The following COL4A1 variants were observed in gnomAD, a reference collection of about 807,000 sequenced individuals.
COL4A1 encodes the protein collagen alpha-1(IV) chain.
COL4A1 carries 40 observed loss-of-function variants against 216.6 expected under a neutral mutation model. The ratio of observed to expected loss-of-function variants is 0.18; its 90% confidence interval spans 0.14 to 0.24. The LOEUF (loss-of-function observed/expected upper bound fraction) is 0.24, where lower values mean the gene tolerates loss of function less well. Among genes scored for constraint, COL4A1 ranks in the 10% least tolerant of loss-of-function variants. The pLI is 1.00. For missense variants in COL4A1, 1,628 were observed against 2,196.8 expected (o/e 0.74, Z 5.18); for synonymous variants, 839 against 810.7 (o/e 1.03, Z -0.59).
chr13:110,161,338 G>A lies in COL4A1; in HGVS notation c.4494C>T (p.Ser1498=), dbSNP rs750133089. The change falls in exon 49 of 52, where the codon AGC becomes AGT. Residue 1498 remains serine (S), a synonymous_variant. Transcript: ENST00000375820. ...TATTGCAGAACAGGAAGGGCATTGT[G>A]CTGAACTTGCGCAGGCAGCTGCCGG... ...GTAGSCLRKF[S]TMPFLFCNIN... 1.9e-6 allele frequency: 3 copies of A among 1,613,890 alleles called. No homozygotes were observed. The highest frequency in any genetic ancestry group is 2.5e-6 in the Non-Finnish European group (3 of 1,179,878).
intron 45 of COL4A1, 133 bp downstream of exon 45, chr13:110,166,099 C>G (rs1877322040): frequency 2.6e-6 from 2 of 756,686 alleles, no homozygotes; most frequent in Non-Finnish European, 4.9e-6. Flanking sequence ...AAAGAATTCC[C>G]TATCAATTGT....
intron 1 of COL4A1, among the ~76,000 whole-genome samples, chr13:110,297,514 A>C (rs60683901): frequency 3.6e-4 from 55 of 152,294 alleles, no homozygotes; most frequent in African/African-American, 1.3e-3. Context: ...GTTTGGGCAA[A>C]TAAATTTATT....
chr13:110,174,034 C>T (rs766975171), intron 39 of COL4A1, 36 bp from the exon 40 acceptor site: 9 of 1,607,284 alleles, frequency 5.6e-6, no homozygotes, highest in Non-Finnish European at 1.7e-6. Flanking sequence ...ACCCGCATAA[C>T]CTCTCACAGC....
chr13:110,235,244 G>A (rs933346229), intron 2 of COL4A1, among the ~76,000 whole-genome samples: 1 of 152,162 alleles, frequency 6.6e-6, no homozygotes, highest in African/African-American at 2.4e-5. Context: ...TTGCTTTCAT[G>A]TGCTTGAGTA....
At chr13:110,270,346 C>T (rs1277903846) in intron 1 of COL4A1, among the ~76,000 whole-genome samples, 2 of 151,636 alleles carry the variant, frequency 1.3e-5, no homozygotes, top group African/African-American at 2.4e-5. Flanking sequence ...TCTAAATCTA[C>T]ATCTAATTAA....
intron 1 of COL4A1, among the ~76,000 whole-genome samples, chr13:110,296,368 T>C (rs528694370): frequency 2.0e-5 from 3 of 152,236 alleles, no homozygotes; most frequent in Non-Finnish European, 4.4e-5. Flanking sequence ...TCCCAATATT[T>C]TGTAAATTAT....
intron 26 of COL4A1, 144 bp downstream of exon 26, chr13:110,186,241 A>T: frequency 2.9e-6 from 3 of 1,027,442 alleles, no homozygotes; most frequent in Non-Finnish European, 4.5e-6. Context: ...AGGCTTGCCC[A>T]GGTCCTGCCC....
chr13:110,304,854 G>A (rs1038879144), intron 1 of COL4A1, among the ~76,000 whole-genome samples: 1 of 152,100 alleles, frequency 6.6e-6, no homozygotes, highest in African/African-American at 2.4e-5. Flanking sequence ...CAAAGGAGAG[G>A]TAAGCCAACA....
intron 2 of COL4A1, among the ~76,000 whole-genome samples, chr13:110,229,665 G>C (rs892147240): frequency 5.3e-5 from 8 of 152,172 alleles, no homozygotes; most frequent in Non-Finnish European, 1.0e-4. Flanking sequence ...AAAGACCCCA[G>C]AGAGAGCCCC....
chr13:110,156,192 C>T (rs547944740), intron 49 of COL4A1, among the ~76,000 whole-genome samples: 20 of 152,164 alleles, frequency 1.3e-4, no homozygotes, highest in Non-Finnish European at 2.1e-4. Flanking sequence ...GGGTTACAGG[C>T]AACTTTTCTT....
chr13:110,197,247 T>C (rs1307804504), intron 21 of COL4A1, among the ~76,000 whole-genome samples: 2 of 127,022 alleles, frequency 1.6e-5, no homozygotes, highest in Non-Finnish European at 3.2e-5. Context: ...ACTCTCCTGC[T>C]TAAGTTTATC....
chr13:110,240,785 A>G (rs1157873707), intron 2 of COL4A1, among the ~76,000 whole-genome samples: 1 of 152,200 alleles, frequency 6.6e-6, no homozygotes, highest in African/African-American at 2.4e-5. Flanking sequence ...GCTACACCCT[A>G]TCATTCTCCC....
chr13:110,191,840 C>T (rs901840289), intron 24 of COL4A1, among the ~76,000 whole-genome samples: 20 of 152,202 alleles, frequency 1.3e-4, no homozygotes, highest in East Asian at 1.2e-3. Context: ...CACAGAAAGA[C>T]GGCACTTCGG....
At position 110,194,468 on chromosome 13, in the gene COL4A1, G is replaced by A. The variant is rs141240101; in HGVS notation, c.1381+555C>T. Among the ~76,000 whole-genome samples, 21 of 152,274 alleles carry A rather than the reference G, an allele frequency of 1.4e-4. 1 individual carries two copies. Among genetic ancestry groups the A allele is most frequent in the Admixed American group, 4.6e-4 (7 of 15,286 alleles). On this transcript the variant is annotated intron_variant, in intron 22 of 51. Coordinates refer to ENST00000375820, the MANE Select transcript of COL4A1 (RefSeq NM_001845.6). ...AATCCACCTCTGTGTCTAGGATGGC[G>A]GAAGAGATAAATAAGTGTCCTGTGC...
Position 110,183,225 on chromosome 13 carries a change from G to A in COL4A1, c.1949C>T (p.Ala650Val), listed in dbSNP as rs780018659. 6 of 1,613,740 alleles carry A rather than the reference G, an allele frequency of 3.7e-6. No individual in the cohort carries two copies. Among genetic ancestry groups the A allele is most frequent in the Admixed American group, 3.3e-5 (2 of 59,996 alleles). The change falls in exon 27 of 52, where the codon GCA becomes GTA. Residue 650 changes from alanine (A) to valine (V), a missense_variant. Physicochemically the swap from Ala to Val is moderately conservative, Grantham distance 64. Transcript: ENST00000375820. ...KIVPLPGPPG[A>V]EGLPGSPGFP... ...GCCTGGGGACCCCGGCAGTCCTTCT[G>A]CTCCAGGGGGGCCTGGTAAAGGAAC...
At chr13:110,164,807 G>T in intron 46 of COL4A1, 55 bp downstream of exon 46, 1 of 1,600,484 alleles carries the variant, frequency 6.2e-7, no homozygotes, top group South Asian at 1.1e-5. Flanking sequence ...GAGGAACTCT[G>T]ACCACTGCCC....
intron 1 of COL4A1, among the ~76,000 whole-genome samples, chr13:110,303,601 G>T (rs1458778439): frequency 1.3e-5 from 2 of 152,204 alleles, no homozygotes; most frequent in African/African-American, 4.8e-5. Context: ...ATGACATGCT[G>T]GTGTATAGTT....
intron 1 of COL4A1, among the ~76,000 whole-genome samples, chr13:110,259,121 A>G (rs1352038146): frequency 1.3e-5 from 2 of 152,210 alleles, no homozygotes; most frequent in African/African-American, 4.8e-5. Context: ...TTTCAGAACC[A>G]CACTCAATGG....
rs71441604 is a variant in COL4A1 at position 110,253,048 on chromosome 13, A to T, written c.85-10314T>A. ...TGTATTACATATACATATAACTATA[A>T]GTACGTATGTATTACATATACATAT... is the stretch of plus-strand genomic sequence containing the variant. On this transcript the variant is annotated intron_variant, in intron 1 of 51. Coordinates refer to ENST00000375820, the MANE Select transcript of COL4A1 (RefSeq NM_001845.6). 2.5e-3 allele frequency among the ~76,000 whole-genome samples: 184 copies of T among 74,508 alleles called. 11 individuals carry two copies. The highest frequency in any genetic ancestry group is 5.0e-3 in the South Asian group (7 of 1,410). The allele number at this position is 74,508 out of a possible 152,430, so 48.9% of individuals were successfully genotyped here.
Sources: allele counts gnomAD v4.1 joint callset (sites outside exome capture counted in the v4.1 genomes callset), GRCh38; gene constraint gnomAD v4.1.1; transcripts MANE v1.5; gene names NCBI Gene and HGNC (gene_info 2026-07-23, HGNC 2026-07-21).